Variants in TOX3 observed in about 807,000 individuals in gnomAD.
TOX3 encodes TOX high mobility group box family member 3, also known as CAG trinucleotide repeat-containing gene F9 protein.
A neutral mutation model predicts 64.3 loss-of-function variants in TOX3; 22 were observed. The observed-to-expected ratio is 0.34, with a 90% CI of 0.24 to 0.49. TOX3 has a LOEUF of 0.49. Ranked by LOEUF, TOX3 falls within the 20% of genes least tolerant of loss-of-function variation. The pLI is 0.99. For synonymous variants in TOX3, 291 were observed against 273.6 expected (o/e 1.06, Z -0.63); for missense variants, 661 against 714.4 (o/e 0.93, Z 0.85).
At chr16:52,482,517 T>C (rs994474440) in intron 1 of TOX3, among the ~76,000 whole-genome samples, 1 of 152,162 alleles carries the variant, frequency 6.6e-6, no homozygotes, top group Non-Finnish European at 1.5e-5. Flanking sequence ...GTAAAAGTTC[T>C]TAAAACAACC....
At chr16:52,451,331 A>T (rs1458619228) in intron 3 of TOX3, among the ~76,000 whole-genome samples, 1 of 152,218 alleles carries the variant, frequency 6.6e-6, no homozygotes, top group Non-Finnish European at 1.5e-5. Flanking sequence ...ACGTAAAAAA[A>T]GATGGTAGAA....
chr16:52,491,442 A>G (rs1406529061), intron 1 of TOX3, among the ~76,000 whole-genome samples: 1 of 152,210 alleles, frequency 6.6e-6, no homozygotes, highest in Non-Finnish European at 1.5e-5. Flanking sequence ...TCTGTGTTAA[A>G]TAAATGGGAG....
At chr16:52,533,443 A>G (rs2151486030) in intron 1 of TOX3, among the ~76,000 whole-genome samples, 1 of 152,286 alleles carries the variant, frequency 6.6e-6, no homozygotes, top group Non-Finnish European at 1.5e-5. Flanking sequence ...AAAATAACAC[A>G]AAGTCTTGCC....
At chr16:52,533,514 T>G (rs940521050) in intron 1 of TOX3, among the ~76,000 whole-genome samples, 30 of 152,196 alleles carry the variant, frequency 2.0e-4, no homozygotes, top group African/African-American at 7.0e-4. Context: ...TTCAACAGAG[T>G]TCAACAGAGA....
intron 5 of TOX3, 115 bp downstream of exon 5, chr16:52,445,879 G>C: frequency 2.1e-6 from 2 of 961,592 alleles, no homozygotes; most frequent in Non-Finnish European, 3.1e-6. Flanking sequence ...GCTTAGAAAA[G>C]GATTTCAAAA....
intron 1 of TOX3, among the ~76,000 whole-genome samples, chr16:52,497,051 T>A (rs1302258430): frequency 1.3e-5 from 2 of 152,056 alleles, no homozygotes; most frequent in African/African-American, 4.8e-5. Flanking sequence ...AAATAGAAAA[T>A]GAGAAACAGA....
chr16:52,504,341 C>G (rs1445256229), intron 1 of TOX3, among the ~76,000 whole-genome samples: 1 of 151,948 alleles, frequency 6.6e-6, no homozygotes, highest in Non-Finnish European at 1.5e-5. Context: ...GTGGTGGGCA[C>G]CTGTCGTTCC....
chr16:52,457,301 T>A (rs962499204), intron 3 of TOX3, among the ~76,000 whole-genome samples: 10 of 152,162 alleles, frequency 6.6e-5, no homozygotes, highest in African/African-American at 2.2e-4. Flanking sequence ...TATTATGTGT[T>A]TATACTTATT....
intron 3 of TOX3, among the ~76,000 whole-genome samples, chr16:52,459,326 T>TAA (rs147312044): frequency 6.6e-6 from 1 of 151,684 alleles, no homozygotes; most frequent in Admixed American, 6.6e-5. Flanking sequence ...TATGTAAAAT[T>TAA]AAAAAAAATA....
chr16:52,532,262 G>A (rs531561934), intron 1 of TOX3, among the ~76,000 whole-genome samples: 3 of 152,186 alleles, frequency 2.0e-5, no homozygotes, highest in African/African-American at 4.8e-5. Flanking sequence ...TGGATTCTGC[G>A]TCCTCTCCCC....
chr16:52,441,877 G>A (rs544662533), intron 6 of TOX3, among the ~76,000 whole-genome samples: 17 of 152,104 alleles, frequency 1.1e-4, no homozygotes, highest in Non-Finnish European at 2.2e-4. Flanking sequence ...TTCCTGAACC[G>A]TCATGTTCTA....
intron 1 of TOX3, among the ~76,000 whole-genome samples, chr16:52,487,200 A>C (rs1484093950): frequency 6.6e-6 from 1 of 151,842 alleles, no homozygotes; most frequent in Non-Finnish European, 1.5e-5. Context: ...CAGTTGTACA[A>C]CTCGAAAACT....
intron 4 of TOX3, among the ~76,000 whole-genome samples, chr16:52,449,068 T>A (rs1317516642): frequency 2.0e-5 from 3 of 152,242 alleles, no homozygotes; most frequent in Non-Finnish European, 4.4e-5. Context: ...TCTGGTACCT[T>A]CTGTTCATTC....
At chr16:52,443,173 C>G (rs1463066733) in intron 6 of TOX3, among the ~76,000 whole-genome samples, 3 of 152,208 alleles carry the variant, frequency 2.0e-5, no homozygotes, top group Non-Finnish European at 4.4e-5. Context: ...ACCAACTATA[C>G]TTTAATTCTT....
At chr16:52,540,205 C>T (rs1269132674) in intron 1 of TOX3, among the ~76,000 whole-genome samples, 4 of 151,830 alleles carry the variant, frequency 2.6e-5, no homozygotes, top group African/African-American at 9.7e-5. Context: ...CACAGCAAGA[C>T]CCTATCTCTG....
chr16:52,461,795 A>T (rs959575840), intron 3 of TOX3, among the ~76,000 whole-genome samples: 1 of 152,118 alleles, frequency 6.6e-6, no homozygotes, highest in Non-Finnish European at 1.5e-5. Context: ...ATCTCTGAGG[A>T]GGCTTCTGTG....
chr16:52,485,690 A>G (rs1004661520), intron 1 of TOX3, among the ~76,000 whole-genome samples: 3 of 152,146 alleles, frequency 2.0e-5, no homozygotes, highest in Non-Finnish European at 4.4e-5. Context: ...GATGGAGAAT[A>G]AATAAGAGTG....
chr16:52,487,038 C>A (rs1182691390), intron 1 of TOX3, among the ~76,000 whole-genome samples: 1 of 152,094 alleles, frequency 6.6e-6, no homozygotes, highest in African/African-American at 2.4e-5. Context: ...ATGCCCCTAG[C>A]ATATAAATTA....
chr16:52,455,629 C>G (rs1464978150), intron 3 of TOX3, among the ~76,000 whole-genome samples: 1 of 152,010 alleles, frequency 6.6e-6, no homozygotes, highest in Admixed American at 6.6e-5. Context: ...GGAAGGATGG[C>G]TACATTTGAT....
Sources: gnomAD v4.1 joint callset for allele counts (sites outside exome capture counted in the v4.1 genomes callset) on GRCh38, gnomAD v4.1.1 for gene constraint, MANE v1.5 for transcripts, NCBI Gene and HGNC (gene_info 2026-07-23, HGNC 2026-07-21) for gene names.